The following TTC34 variants were observed in gnomAD, a reference collection of about 807,000 sequenced individuals.
TTC34 encodes tetratricopeptide repeat protein 34.
Under a neutral mutation model 40.7 loss-of-function variants are expected in TTC34, and 44 were observed. That is an observed-to-expected ratio of 1.08 (90% CI 0.85 to 1.39). TTC34 has a LOEUF of 1.39. Among genes scored for constraint, TTC34 ranks in the 40% most tolerant of loss-of-function variants. TTC34 has a pLI of 0.00. For missense variants in TTC34, 884 were observed against 838.0 expected (o/e 1.05, Z -0.68); for synonymous variants, 422 against 398.6 (o/e 1.06, Z -0.70).
At chr1:2,696,401 CCA>C (rs1640867970) in intron 6 of TTC34, among the ~76,000 whole-genome samples, 1 of 93,586 alleles carries the variant, frequency 1.1e-5, no homozygotes, top group African/African-American at 3.7e-5. Flanking sequence ...CCCTACACCC[CCA>C]GGGGAGCATC....
chr1:2,641,670 A>C lies in TTC34; in HGVS notation c.2938T>G (p.Phe980Val), dbSNP rs921183597. ...AGCAGCAGGCGACCCTGACGGCAGA[A>C]GTCCTCTGCCCGCCTTGGGAGGTCA... The change falls in exon 9 of 9, where the codon TTC becomes GTC. Residue 980 changes from phenylalanine to valine, a missense_variant. Physicochemically the swap from Phe to Val is conservative, Grantham distance 50. Coordinates refer to ENST00000401095, the Ensembl canonical transcript of TTC34. 2.6e-6 allele frequency: 4 copies of C among 1,535,310 alleles called. No homozygotes were observed. In the African/African-American group the frequency reaches 5.5e-5, roughly 21 times the overall value.
At chr1:2,675,057 G>T (rs1570787209) in intron 6 of TTC34, among the ~76,000 whole-genome samples, 3 of 129,704 alleles carry the variant, frequency 2.3e-5, no homozygotes, top group African/African-American at 2.8e-5. Context: ...GTGAGCATCG[G>T]AGAGTCAGGA....
In TTC34 at chr1:2,755,946, C is replaced by A. The variant is rs1489117689; in HGVS notation, c.2226+27663G>T. 4.8e-5 allele frequency among the ~76,000 whole-genome samples: 4 copies of A among 83,658 alleles called. 2 individuals carry two copies. The highest frequency in any genetic ancestry group is 8.5e-5 in the Non-Finnish European group (4 of 47,208). The allele number at this position is 83,658 out of a possible 152,430, so 54.9% of individuals were successfully genotyped here. A position where few individuals can be genotyped will look rare whatever the true frequency, so the allele number is the denominator to read the frequency against. On this transcript the variant is annotated intron_variant, in intron 6 of 8. Coordinates refer to ENST00000401095, the Ensembl canonical transcript of TTC34. ...ACAGCCTGGAGCAGCACCCTGCACCCCCAGGTGAGGATCTGACAGCCTGGA... is the reference window on the plus strand; with the variant it reads ...ACAGCCTGGAGCAGCACCCTGCACCACCAGGTGAGGATCTGACAGCCTGGA...
intron 6 of TTC34, among the ~76,000 whole-genome samples, chr1:2,685,250 A>G (rs1640278551): frequency 1.1e-5 from 1 of 94,626 alleles, no homozygotes; most frequent in African/African-American, 4.6e-5. Context: ...CCAGGTGAGC[A>G]TCTGAGAGCC....
intron 6 of TTC34, among the ~76,000 whole-genome samples, chr1:2,753,227 C>G (rs1348721335): frequency 8.8e-6 from 1 of 114,056 alleles, no homozygotes; most frequent in African/African-American, 3.8e-5. Context: ...CACAGGTGAG[C>G]ATCTGACAGC....
At chr1:2,748,976 C>G (rs1641231721) in intron 6 of TTC34, among the ~76,000 whole-genome samples, 2 of 131,634 alleles carry the variant, frequency 1.5e-5, no homozygotes, top group African/African-American at 3.0e-5. Context: ...AGGTGAGCAT[C>G]TGACGGCCTG....
chr1:2,749,609 GGTGT>G (rs1641252777), intron 6 of TTC34, among the ~76,000 whole-genome samples: 3 of 93,932 alleles, frequency 3.2e-5, no homozygotes, highest in Non-Finnish European at 6.0e-5. Context: ...CACACCCCCA[GGTGT>G]GCATGTGATG....
At chr1:2,652,435 G>A (rs570802596) in intron 6 of TTC34, among the ~76,000 whole-genome samples, 812 of 135,290 alleles carry the variant, frequency 6.0e-3, no homozygotes, top group African/African-American at 9.2e-3. Context: ...GCCTGGAACA[G>A]CACCCACACC....
At chr1:2,641,600 G>A in exon 9 of TTC34, 2 of 1,534,058 alleles carry the variant, frequency 1.3e-6, no homozygotes, top group Non-Finnish European at 1.7e-6. Context: ...CAGCTTCAGG[G>A]CCTGGGCAAA....
exon 9 of TTC34, chr1:2,641,277 T>C: frequency 7.3e-7 from 1 of 1,378,544 alleles, no homozygotes; most frequent in Non-Finnish European, 9.5e-7. Context: ...ACCTCCCCGA[T>C]TTAGGGAGCT....
At chr1:2,762,178 T>C (rs1444109815) in intron 6 of TTC34, among the ~76,000 whole-genome samples, 2 of 48,762 alleles carry the variant, frequency 4.1e-5, no homozygotes, top group Non-Finnish European at 3.7e-5. Flanking sequence ...CACCCCCAGG[T>C]GAGCATGTGA....
At chr1:2,774,685 C>G (rs1296890806) in intron 6 of TTC34, 1 of 34,674 alleles carries the variant, frequency 2.9e-5, no homozygotes, top group Non-Finnish European at 6.1e-5. Flanking sequence ...CATCTGACAG[C>G]CTGGAGCAGC....
chr1:2,688,429 A>T (rs1303623480), intron 6 of TTC34, among the ~76,000 whole-genome samples: 2 of 150,486 alleles, frequency 1.3e-5, no homozygotes, highest in African/African-American at 4.9e-5. Flanking sequence ...AGCATCCGAC[A>T]GCCTGGAGCA....
intron 6 of TTC34, among the ~76,000 whole-genome samples, chr1:2,691,667 CAGG>C (rs1640624786): frequency 3.1e-5 from 3 of 96,628 alleles, no homozygotes; most frequent in Non-Finnish European, 7.3e-5. Context: ...CCGACACCCC[CAGG>C]TGAGCATCTG....
At chr1:2,696,518 A>C (rs1640873808) in intron 6 of TTC34, among the ~76,000 whole-genome samples, 1 of 42,648 alleles carries the variant, frequency 2.3e-5, no homozygotes, top group African/African-American at 9.0e-5. Flanking sequence ...AGCACCCCAC[A>C]CCCCCAGGTG....
At chr1:2,677,295 G>A (rs1639940858) in intron 6 of TTC34, among the ~76,000 whole-genome samples, 8 of 54,286 alleles carry the variant, frequency 1.5e-4, no homozygotes, top group East Asian at 4.2e-4. Flanking sequence ...CACAACCACA[G>A]GTGAGCATCG....
chr1:2,779,360 G>A (rs1331430335), intron 6 of TTC34, among the ~76,000 whole-genome samples: 7 of 151,524 alleles, frequency 4.6e-5, no homozygotes, highest in Non-Finnish European at 4.4e-5. Flanking sequence ...GTCTCGCTCT[G>A]TCGCCCAGGC....
At chr1:2,749,393 G>A (rs1253338078) in intron 6 of TTC34, among the ~76,000 whole-genome samples, 592 of 78,858 alleles carry the variant, frequency 7.5e-3, no homozygotes, top group South Asian at 9.6e-3. Flanking sequence ...GCCTGGAACA[G>A]CACCCTGCAC....
At chr1:2,781,667 A>T (rs936424032) in intron 6 of TTC34, among the ~76,000 whole-genome samples, 25 of 152,262 alleles carry the variant, frequency 1.6e-4, no homozygotes, top group Non-Finnish European at 1.9e-4. Flanking sequence ...TTTTTCATAT[A>T]TGGATTTTAT....
Sources: allele counts gnomAD v4.1 joint callset (sites outside exome capture counted in the v4.1 genomes callset), GRCh38; gene constraint gnomAD v4.1.1; transcripts MANE v1.5; gene names NCBI Gene and HGNC (gene_info 2026-07-23, HGNC 2026-07-21).